The following WWOX variants were observed in gnomAD, a reference collection of about 807,000 sequenced individuals.
WWOX encodes WW domain-containing oxidoreductase.
Under a neutral mutation model 46.2 loss-of-function variants are expected in WWOX, and 69 were observed. That is an observed-to-expected ratio of 1.49 (90% confidence interval 1.23 to 1.82). WWOX has a LOEUF of 1.82. Ranked by LOEUF, WWOX falls within the 40% of genes most tolerant of loss-of-function variation. The probability of loss-of-function intolerance (pLI) is 0.00; values close to 1 mark genes in which losing one functional copy is unlikely to be tolerated. For missense variants in WWOX, 919 were observed against 542.6 expected (o/e 1.69, Z -6.89); for synonymous variants, 359 against 202.6 (o/e 1.77, Z -6.56).
At position 78,837,240 on chromosome 16, in the gene WWOX, TG is replaced by T. The variant is rs1404625648; in HGVS notation, c.1057-374367del. ...ACTTGAGCTATGTAAAAATGTCACTTGCTCTTATCACGGTTCATAGAGATTA... is the reference window on the plus strand; with the variant it reads ...ACTTGAGCTATGTAAAAATGTCACTTCTCTTATCACGGTTCATAGAGATTA... On this transcript the variant is annotated intron_variant, in intron 8 of 8. Coordinates refer to ENST00000566780, the MANE Select transcript of WWOX (RefSeq NM_016373.4). Among the ~76,000 whole-genome samples, 10 of 152,326 alleles carry T rather than the reference TG, an allele frequency of 6.6e-5. 1 individual carries two copies. Among genetic ancestry groups the T allele is most frequent in the Admixed American group, 5.9e-4 (9 of 15,310 alleles).
At chr16:78,988,625 G>A (rs2046826649) in intron 8 of WWOX, among the ~76,000 whole-genome samples, 1 of 152,158 alleles carries the variant, frequency 6.6e-6, no homozygotes, top group African/African-American at 2.4e-5. Context: ...AAACCAGATG[G>A]CAAAAGGAAG....
At chr16:78,634,455 C>A (rs1316680669) in intron 8 of WWOX, among the ~76,000 whole-genome samples, 1 of 152,120 alleles carries the variant, frequency 6.6e-6, no homozygotes, top group South Asian at 2.1e-4. Context: ...TGCCTGTAAT[C>A]CCAGCACTTT....
chr16:78,100,309 G>A lies in WWOX; in HGVS notation c.107+424G>A, dbSNP rs192334178. On this transcript the variant is annotated intron_variant, in intron 1 of 8. Coordinates refer to ENST00000566780, the MANE Select transcript of WWOX (RefSeq NM_016373.4). ...GCTCAGTCATCCAGGCTGGAGTGCAGGGGTGCCATCATAGCCCACTGTAGC... is the reference window on the plus strand; with the variant it reads ...GCTCAGTCATCCAGGCTGGAGTGCAAGGGTGCCATCATAGCCCACTGTAGC... The A allele has an allele frequency of 8.7e-5, 87 of 994,952 alleles. 1 individual carries two copies. In the African/African-American group the frequency reaches 1.5e-3, roughly 17 times the overall value. 61.6% of individuals were successfully genotyped at this position (994,952 alleles called of 1,614,324 possible).
At chr16:79,159,672 A>T (rs1224814653) in intron 8 of WWOX, among the ~76,000 whole-genome samples, 1 of 152,192 alleles carries the variant, frequency 6.6e-6, no homozygotes, top group East Asian at 1.9e-4. Context: ...CATATTTAAC[A>T]AGCCACTGAG....
intron 8 of WWOX, among the ~76,000 whole-genome samples, chr16:79,080,999 C>A (rs180694182): frequency 1.3e-5 from 2 of 152,116 alleles, no homozygotes; most frequent in Admixed American, 6.5e-5. Flanking sequence ...AACACACACA[C>A]GCACATGCAC....
Position 79,028,227 on chromosome 16 carries a change from G to A in WWOX, c.1057-183381G>A, listed in dbSNP as rs181898320. Among the ~76,000 whole-genome samples, 591 of 151,898 alleles carry A rather than the reference G, an allele frequency of 3.9e-3. 6 individuals carry two copies. Among genetic ancestry groups the A allele is most frequent in the Middle Eastern group, 0.014 (4 of 292 alleles). On this transcript the variant is annotated intron_variant, in intron 8 of 8. Transcript: ENST00000566780. ...GCCTCCCAAAGTGCTGGGATTACAGGCGTGAGCCACCACGCCCGACTGCTT... is the reference window on the plus strand; with the variant it reads ...GCCTCCCAAAGTGCTGGGATTACAGACGTGAGCCACCACGCCCGACTGCTT...
chr16:78,846,776 C>A (rs367556593), intron 8 of WWOX, among the ~76,000 whole-genome samples: 1 of 151,960 alleles, frequency 6.6e-6, no homozygotes, highest in Admixed American at 6.6e-5. Flanking sequence ...TTTTAGCATC[C>A]CTCTGGGGAT....
intron 6 of WWOX, among the ~76,000 whole-genome samples, chr16:78,423,707 A>G (rs1415397387): frequency 6.6e-6 from 1 of 152,016 alleles, no homozygotes; most frequent in Non-Finnish European, 1.5e-5. Flanking sequence ...ATAGCCATGC[A>G]TGGTGGTGTG....
At chr16:78,714,514 T>A (rs943873303) in intron 8 of WWOX, among the ~76,000 whole-genome samples, 9 of 151,204 alleles carry the variant, frequency 6.0e-5, no homozygotes, top group Admixed American at 3.3e-4. Context: ...CAAGATGAGA[T>A]TTTGGTGGGG....
At chr16:78,297,156 C>T (rs938871819) in intron 5 of WWOX, among the ~76,000 whole-genome samples, 1 of 152,046 alleles carries the variant, frequency 6.6e-6, no homozygotes, top group Non-Finnish European at 1.5e-5. Context: ...TCATTGACAC[C>T]CACACACTCC....
At chr16:79,046,704 G>A (rs1597321606) in intron 8 of WWOX, among the ~76,000 whole-genome samples, 1 of 152,172 alleles carries the variant, frequency 6.6e-6, no homozygotes. Flanking sequence ...GACTCTGGTA[G>A]ATTCTTCCTG....
chr16:79,076,843 A>G lies in WWOX; in HGVS notation c.1057-134765A>G, dbSNP rs555114001. On this transcript the variant is annotated intron_variant, in intron 8 of 8. Coordinates refer to ENST00000566780, the MANE Select transcript of WWOX (RefSeq NM_016373.4). ...AACTGCTTAACGCATGTGAATAACA[A>G]CAATGGCTAACATGTATCAGACGCT... 4.6e-5 allele frequency among the ~76,000 whole-genome samples: 7 copies of G among 152,394 alleles called. No homozygotes were observed. The South Asian group carries it at 1.0e-3, about 23-fold the overall frequency.
chr16:78,826,422 T>TA (rs1199536912), intron 8 of WWOX, among the ~76,000 whole-genome samples: 1 of 152,184 alleles, frequency 6.6e-6, no homozygotes, highest in African/African-American at 2.4e-5. Context: ...GGGCTATACT[T>TA]ACTTTGGAGG....
intron 8 of WWOX, among the ~76,000 whole-genome samples, chr16:79,041,046 C>T (rs1341763405): frequency 1.3e-5 from 2 of 151,896 alleles, no homozygotes; most frequent in Non-Finnish European, 2.9e-5. Context: ...GCTTCAGTCT[C>T]TTATCCAAGC....
intron 8 of WWOX, among the ~76,000 whole-genome samples, chr16:79,127,157 A>G (rs1011558154): frequency 6.6e-6 from 1 of 152,134 alleles, no homozygotes; most frequent in Admixed American, 6.5e-5. Flanking sequence ...ATATATATTT[A>G]TATACCTATG....
chr16:78,296,947 T>G (rs1318472738), intron 5 of WWOX, among the ~76,000 whole-genome samples: 1 of 152,216 alleles, frequency 6.6e-6, no homozygotes, highest in African/African-American at 2.4e-5. Flanking sequence ...GGATGGTGTT[T>G]ATTAAAGTCA....
In WWOX at chr16:79,171,894, C is replaced by A. The variant is rs538639962; in HGVS notation, c.1057-39714C>A. 9.2e-5 allele frequency among the ~76,000 whole-genome samples: 14 copies of A among 152,206 alleles called. No individual in the cohort carries two copies. In the East Asian group the frequency reaches 1.7e-3, roughly 19 times the overall value. On this transcript the variant is annotated intron_variant, in intron 8 of 8. Coordinates refer to ENST00000566780, the MANE Select transcript of WWOX (RefSeq NM_016373.4). Reference sequence around the variant, plus strand: ...CAGAAGCTTTTAAAATCTGAAATCCCAGGAAGCTAATTAGTGCATCCTTTT... The same window carrying A: ...CAGAAGCTTTTAAAATCTGAAATCCAAGGAAGCTAATTAGTGCATCCTTTT...
intron 8 of WWOX, among the ~76,000 whole-genome samples, chr16:79,172,279 C>G (rs1410793456): frequency 6.6e-6 from 1 of 152,188 alleles, no homozygotes; most frequent in Non-Finnish European, 1.5e-5. Flanking sequence ...TTGCATGGCA[C>G]TTGGCACGTA....
At chr16:78,577,895 A>G (rs1234252417) in intron 8 of WWOX, among the ~76,000 whole-genome samples, 2 of 152,112 alleles carry the variant, frequency 1.3e-5, no homozygotes, top group South Asian at 2.1e-4. Context: ...GACAGAATAT[A>G]TTCAAGGGTG....
Sources: gnomAD v4.1 joint callset for allele counts (sites outside exome capture counted in the v4.1 genomes callset) on GRCh38, gnomAD v4.1.1 for gene constraint, MANE v1.5 for transcripts, NCBI Gene and HGNC (gene_info 2026-07-23, HGNC 2026-07-21) for gene names.